The following NXN variants were observed in gnomAD, a reference collection of about 807,000 sequenced individuals.
NXN encodes the protein nucleoredoxin 1.
Under a neutral mutation model 48.6 loss-of-function variants are expected in NXN, and 16 were observed. The observed-to-expected ratio is 0.33, with a 90% CI of 0.22 to 0.50. NXN has a LOEUF of 0.50. NXN is among the 20% of genes least tolerant of loss of function. The pLI, the probability that NXN is intolerant of heterozygous loss-of-function variation, is 0.98. For synonymous variants in NXN, 281 were observed against 269.6 expected (o/e 1.04, Z -0.41); for missense variants, 492 against 605.5 (o/e 0.81, Z 1.97).
intron 1 of NXN, among the ~76,000 whole-genome samples, chr17:946,533 TC>T (rs1458704727): frequency 6.6e-6 from 1 of 152,100 alleles, no homozygotes; most frequent in Non-Finnish European, 1.5e-5. Flanking sequence ...CTTGCAAGAG[TC>T]CGTAGTGGGT....
chr17:807,426 G>C (rs1221099639), intron 5 of NXN, among the ~76,000 whole-genome samples: 1 of 152,206 alleles, frequency 6.6e-6, no homozygotes, highest in Non-Finnish European at 1.5e-5. Context: ...GGAGGGAGGA[G>C]AAGCCAACCT....
At chr17:865,541 C>T (rs531434756) in intron 1 of NXN, among the ~76,000 whole-genome samples, 86 of 151,878 alleles carry the variant, frequency 5.7e-4, no homozygotes, top group African/African-American at 1.9e-3. Flanking sequence ...CACGCCCGGC[C>T]GAGTTACACA....
In NXN at chr17:895,578, C is replaced by T. The variant is rs531392489; in HGVS notation, c.361-69500G>A. On this transcript the variant is annotated intron_variant, in intron 1 of 7. Coordinates refer to ENST00000336868, the MANE Select transcript of NXN (RefSeq NM_022463.5). The stretch of plus-strand genomic sequence containing the variant: ...CTCTAATCCCAGCACTTTGGGAGGT[C>T]GAGGTGGGCGGATCACAGGGTCAGG... 2.7e-3 allele frequency among the ~76,000 whole-genome samples: 399 copies of T among 150,060 alleles called. 5 individuals carry two copies. The highest frequency in any genetic ancestry group is 9.0e-3 in the African/African-American group (369 of 40,972).
intron 1 of NXN, among the ~76,000 whole-genome samples, chr17:945,105 G>C (rs1597263576): frequency 6.6e-6 from 1 of 152,064 alleles, no homozygotes; most frequent in Non-Finnish European, 1.5e-5. Flanking sequence ...TTTTTGAGAC[G>C]GAGTCTCGCT....
rs541199163 is a variant in NXN at position 934,173 on chromosome 17, C to T, written c.360+45146G>A. 9.9e-5 allele frequency among the ~76,000 whole-genome samples: 15 copies of T among 151,938 alleles called. No individual in the cohort carries two copies. The East Asian group carries it at 1.2e-3, about 12-fold the overall frequency. ...TCCCAGCACCCCGGGAGGCCGGGCG[C>T]GGTGGCTCACGCCTGTAATCCCAGC... is the stretch of plus-strand genomic sequence containing the variant. On this transcript the variant is annotated intron_variant, in intron 1 of 7. Transcript: ENST00000336868.
chr17:861,662 A>G (rs761160659), intron 1 of NXN, among the ~76,000 whole-genome samples: 1 of 152,194 alleles, frequency 6.6e-6, no homozygotes, highest in South Asian at 2.1e-4. Flanking sequence ...TGCTGGGAAC[A>G]TGTTAAAAGA....
At chr17:977,485 A>G (rs2150648333) in intron 1 of NXN, among the ~76,000 whole-genome samples, 1 of 152,384 alleles carries the variant, frequency 6.6e-6, no homozygotes, top group South Asian at 2.1e-4. Context: ...ATGTCCTATC[A>G]AATATTCTCC....
rs918500621 is a variant in NXN, at chr17:931,532, T to A, written c.360+47787A>T. On this transcript the variant is annotated intron_variant, in intron 1 of 7. Transcript: ENST00000336868. ...ATTTTGTTTTCGCCATAAGCACATG[T>A]TATTTATTTTAAAAAAATTTTTGGC... Among the ~76,000 whole-genome samples, 29 of 152,054 alleles carry A rather than the reference T, an allele frequency of 1.9e-4. 1 individual carries two copies. Among genetic ancestry groups the A allele is most frequent in the Middle Eastern group, 3.4e-3 (1 of 294 alleles).
chr17:811,512 G>A (rs563965873), intron 5 of NXN, among the ~76,000 whole-genome samples: 10 of 151,852 alleles, frequency 6.6e-5, no homozygotes, highest in Admixed American at 2.0e-4. Flanking sequence ...CCGGGGTTGG[G>A]GGGGGGGCAG....
intron 1 of NXN, among the ~76,000 whole-genome samples, chr17:962,125 TTC>T (rs2069244932): frequency 6.6e-6 from 1 of 152,142 alleles, no homozygotes; most frequent in Admixed American, 6.6e-5. Context: ...CAAAGTGAGA[TTC>T]TGTCTCAAGA....
intron 1 of NXN, among the ~76,000 whole-genome samples, chr17:964,032 G>A (rs111665989): frequency 0.097 from 14,467 of 149,792 alleles, 1,871 homozygotes; most frequent in African/African-American, 0.32. Flanking sequence ...AGCCGAGATC[G>A]CGCCACTGCA....
Position 924,689 on chromosome 17 carries a change from G to C in NXN, c.360+54630C>G, listed in dbSNP as rs567443491. 1.5e-4 allele frequency among the ~76,000 whole-genome samples: 22 copies of C among 150,738 alleles called. No homozygotes were observed. In the South Asian group the frequency reaches 1.9e-3, roughly 13 times the overall value. On this transcript the variant is annotated intron_variant, in intron 1 of 7. Transcript: ENST00000336868. Reference sequence around the variant, plus strand: ...CCAGAACTTTCCATCTTCCCAAACTGAAATTCCGTCCTCAGTAAAGACTAA... The same window carrying C: ...CCAGAACTTTCCATCTTCCCAAACTCAAATTCCGTCCTCAGTAAAGACTAA...
At chr17:838,003 C>T (rs1260834550) in intron 1 of NXN, among the ~76,000 whole-genome samples, 9 of 152,070 alleles carry the variant, frequency 5.9e-5, no homozygotes, top group African/African-American at 1.9e-4. Flanking sequence ...ATGCCGCACA[C>T]GTTCTTTCTG....
In NXN at chr17:800,142, C is replaced by G. The variant is rs1256580662; in HGVS notation, c.*807G>C. On this transcript the variant is annotated 3_prime_UTR_variant, in exon 8 of 8. Transcript: ENST00000336868. ...AAAAAAAGAAAATAAAAGGGAATGG[C>G]AGGGGTGATCGAACGTGGGTGTGGG... The G allele has an allele frequency of 1.3e-5, 2 of 152,418 alleles. No homozygotes were observed. Among genetic ancestry groups the G allele is most frequent in the Non-Finnish European group, 2.9e-5 (2 of 68,316 alleles). The allele number at this position is 152,418 out of a possible 1,614,324, so 9.4% of individuals were successfully genotyped here.
intron 1 of NXN, among the ~76,000 whole-genome samples, chr17:927,293 GAAA>G (rs1567504620): frequency 9.1e-6 from 1 of 110,320 alleles, no homozygotes; most frequent in East Asian, 3.2e-4. Context: ...AAAGAAAAAA[GAAA>G]AGAAAAGGGA....
rs78162787 is a variant in NXN at position 848,497 on chromosome 17, T to C, written c.361-22419A>G. ...CTTAACACGAGCAGGATTTAAAAAA[T>C]AGTAGCATTTGCCAGGTTCGTGCCT... is the stretch of plus-strand genomic sequence containing the variant. On this transcript the variant is annotated intron_variant, in intron 1 of 7. Coordinates refer to ENST00000336868, the MANE Select transcript of NXN (RefSeq NM_022463.5). 7.9e-3 allele frequency among the ~76,000 whole-genome samples: 1,196 copies of C among 152,280 alleles called. 21 individuals are homozygous for C. The highest frequency in any genetic ancestry group is 0.022 in the African/African-American group (929 of 41,534).
In NXN at chr17:977,184, T is replaced by C. The variant is rs186348315; in HGVS notation, c.360+2135A>G. 2.7e-3 allele frequency among the ~76,000 whole-genome samples: 406 copies of C among 152,284 alleles called. No homozygotes were observed. The Middle Eastern group carries it at 0.037, about 14-fold the overall frequency. ...ATCCCCGAGAAAGATCTTGAGTGGT[T>C]TGTTCACGACCAAGGAAAGAAACTA... On this transcript the variant is annotated intron_variant, in intron 1 of 7. Coordinates refer to ENST00000336868, the MANE Select transcript of NXN (RefSeq NM_022463.5).
At position 799,496 on chromosome 17, in the gene NXN, C is replaced by G. The variant is rs1911090084; in HGVS notation, c.*1453G>C. 6.6e-6 allele frequency: 1 copy of G among 152,304 alleles called. No homozygotes were observed. Among genetic ancestry groups the G allele is most frequent in the African/African-American group, 2.4e-5 (1 of 41,460 alleles). The allele number at this position is 152,304 out of a possible 1,614,324, so 9.4% of individuals were successfully genotyped here. A position where few individuals can be genotyped will look rare whatever the true frequency, so the allele number is the denominator to read the frequency against. ...GCAAGGAACAACAGTGTCAACAGCT[C>G]ATTAGCGGGTGGGGACCGGATTTTC... On this transcript the variant is annotated 3_prime_UTR_variant, in exon 8 of 8. Transcript: ENST00000336868.
intron 1 of NXN, among the ~76,000 whole-genome samples, chr17:972,038 C>T (rs572822345): frequency 1.3e-5 from 2 of 152,250 alleles, no homozygotes; most frequent in East Asian, 3.9e-4. Context: ...CGGTGGCTCA[C>T]ACCCGTAAGC....
Sources: allele counts gnomAD v4.1 joint callset (sites outside exome capture counted in the v4.1 genomes callset), GRCh38; gene constraint gnomAD v4.1.1; transcripts MANE v1.5; gene names NCBI Gene and HGNC (gene_info 2026-07-23, HGNC 2026-07-21).